The following DOCK8 variants were observed in gnomAD, a reference collection of about 807,000 sequenced individuals.
DOCK8 encodes the protein dedicator of cytokinesis 8.
A neutral mutation model predicts 245.6 loss-of-function variants in DOCK8; 141 were observed. The ratio of observed to expected loss-of-function variants is 0.57; its 90% CI spans 0.50 to 0.66. The LOEUF is 0.66. DOCK8 is among the 30% of genes least tolerant of loss of function. The pLI is 0.00. For synonymous variants in DOCK8, 1,168 were observed against 970.2 expected, an observed-to-expected ratio of 1.20 and a Z score of -3.79; for missense variants, 2,965 against 2,603.4, an observed-to-expected ratio of 1.14 and a Z score of -3.02.
At position 464,415 on chromosome 9, in the gene DOCK8, G is replaced by T. The variant is rs113617251; in HGVS notation, c.*196G>T. ...CTCTGACCAGATTTTTGCCATACTG[G>T]GGGGTGGCGGGATGGAGGATGGGTA... On this transcript the variant is annotated 3_prime_UTR_variant, in exon 48 of 48. Coordinates refer to ENST00000432829, the MANE Select transcript of DOCK8 (RefSeq NM_203447.4). 3.4e-5 allele frequency: 22 copies of T among 644,704 alleles called. No individual in the cohort carries two copies. Among genetic ancestry groups the T allele is most frequent in the Middle Eastern group, 4.1e-4 (1 of 2,448 alleles). 39.9% of individuals were successfully genotyped at this position (644,704 alleles called of 1,614,324 possible).
upstream of DOCK8, among the ~76,000 whole-genome samples, chr9:212,003 T>C (rs1013293030): frequency 3.3e-5 from 5 of 152,188 alleles, no homozygotes; most frequent in Non-Finnish European, 7.3e-5. Context: ...TACAGAAATC[T>C]GGGAAATAGG....
intron 1 of DOCK8, chr9:215,615 T>TA (rs1206582808): frequency 1.9e-6 from 1 of 539,600 alleles, no homozygotes; most frequent in Non-Finnish European, 2.9e-6. Flanking sequence ...AGTGATTTTT[T>TA]AAAAAATCTA....
rs2048826477 is a variant in DOCK8, at chr9:286,441, C to A, written c.157-20C>A. ...GAAAACTGGGTGAGAACCTCCTTTT[C>A]CTTTTCCCTGCCCCTCCAGCCTCAG... On this transcript the variant is annotated intron_variant, in intron 2 of 47. Coordinates refer to ENST00000432829, the MANE Select transcript of DOCK8 (RefSeq NM_203447.4). The A allele has an allele frequency of 6.2e-7, 1 of 1,612,548 alleles. No homozygotes were observed. The highest frequency in any genetic ancestry group is 8.5e-7 in the Non-Finnish European group (1 of 1,179,358).
chr9:373,668 A>G (rs1035617010), intron 18 of DOCK8, among the ~76,000 whole-genome samples: 2 of 152,172 alleles, frequency 1.3e-5, no homozygotes, highest in African/African-American at 4.8e-5. Context: ...TTCGCCATCT[A>G]CCGTCTCACT....
At position 464,590 on chromosome 9, in the gene DOCK8, A is replaced by G. The variant is rs1404302771; in HGVS notation, c.*371A>G. 1 of 285,672 alleles carries G rather than the reference A, an allele frequency of 3.5e-6. No individual in the cohort carries two copies. Among genetic ancestry groups the G allele is most frequent in the African/African-American group, 2.2e-5 (1 of 46,038 alleles). The allele number at this position is 285,672 out of a possible 1,614,324, so 17.7% of individuals were successfully genotyped here. A position where few individuals can be genotyped will look rare whatever the true frequency, so the allele number is the denominator to read the frequency against. On this transcript the variant is annotated 3_prime_UTR_variant, in exon 48 of 48. Transcript: ENST00000432829. ...ATTTGAATTTATTGGAGTAACTCAA[A>G]TTGCCTGAGGAAAAATGGAAAAATT... is the stretch of plus-strand genomic sequence containing the variant.
chr9:377,295 C>T lies in DOCK8; in HGVS notation c.2440+84C>T, dbSNP rs2053559897. 5.3e-6 allele frequency: 7 copies of T among 1,329,244 alleles called. No individual in the cohort carries two copies. The South Asian group carries it at 9.5e-5, about 18-fold the overall frequency. 82.3% of individuals were successfully genotyped at this position (1,329,244 alleles called of 1,614,324 possible). ...TAATGAAAAATGACTTTCCAGAAATCCAGAGACAATGTGATCTTCCTTTCC... is the reference window on the plus strand; with the variant it reads ...TAATGAAAAATGACTTTCCAGAAATTCAGAGACAATGTGATCTTCCTTTCC... On this transcript the variant is annotated intron_variant, in intron 20 of 47. Coordinates refer to ENST00000432829, the MANE Select transcript of DOCK8 (RefSeq NM_203447.4).
intron 7 of DOCK8, 139 bp downstream of exon 7, chr9:317,267 G>A (rs2050387762): frequency 1.4e-6 from 1 of 738,360 alleles, no homozygotes; most frequent in South Asian, 1.5e-5. Flanking sequence ...TGGAGTAGTA[G>A]AAAGGGCACG....
rs1408733590 is a variant in DOCK8 at position 446,396 on chromosome 9, G to C, written c.5607G>C (p.Glu1869Asp). Residue 1869 changes from glutamate to aspartate, a missense_variant, in exon 44 of 48, where the codon GAG (glutamate) becomes GAC (aspartate). Transcript: ENST00000432829. ...NKAYIQITFVEPYFDEYEMKD... is the reference protein window; with the variant it reads ...NKAYIQITFVDPYFDEYEMKD... ...CCTACATACAGATCACTTTTGTGGA[G>C]CCCTACTTTGATGAGTATGAGATGA... 1 of 1,614,096 alleles carries C rather than the reference G, an allele frequency of 6.2e-7. No individual in the cohort carries two copies. The highest frequency in any genetic ancestry group is 8.5e-7 in the Non-Finnish European group (1 of 1,180,056).
At chr9:264,315 T>C (rs765414711) in intron 1 of DOCK8, among the ~76,000 whole-genome samples, 43 of 152,226 alleles carry the variant, frequency 2.8e-4, no homozygotes, top group Admixed American at 4.6e-4. Context: ...AGTCATCTAA[T>C]AAACATTCTA....
At chr9:276,805 CATTTATTT>C (rs541660345) in intron 2 of DOCK8, among the ~76,000 whole-genome samples, 2 of 152,030 alleles carry the variant, frequency 1.3e-5, no homozygotes, top group Non-Finnish European at 2.9e-5. Flanking sequence ...ATTGTCTTTT[CATTTATTT>C]ATTTATTTAT....
At chr9:418,261 C>T in intron 30 of DOCK8, 54 bp downstream of exon 30, 1 of 1,609,348 alleles carries the variant, frequency 6.2e-7, no homozygotes, top group Non-Finnish European at 8.5e-7. Flanking sequence ...CTTCTGTCTT[C>T]TGTTTTGTTT....
intron 2 of DOCK8, among the ~76,000 whole-genome samples, chr9:273,598 T>C (rs2048227130): frequency 6.6e-6 from 1 of 152,206 alleles, no homozygotes; most frequent in Non-Finnish European, 1.5e-5. Context: ...AGTAGTTGTC[T>C]TGGGAAGTAG....
Position 377,035 on chromosome 9 carries a change from T to C in DOCK8, c.2264T>C (p.Phe755Ser). ...LCHSLESQVT[F>S]PIRVLDQKIS... ...CACTCCCTGGAGAGCCAGGTGACCT[T>C]CCCCATCCGCGTGCTGGATCAGAAA... The change falls in exon 20 of 48, where the codon TTC becomes TCC. Residue 755 changes from phenylalanine (F) to serine (S), a missense_variant. Physicochemically the swap from Phe to Ser is radical, Grantham distance 155. This residue lies in a region of DOCK8 where 2,825 missense variants were observed against 2,453.5 expected (regional missense o/e 1.15). Coordinates refer to ENST00000432829, the MANE Select transcript of DOCK8 (RefSeq NM_203447.4). The C allele has an allele frequency of 6.2e-7, 1 of 1,613,932 alleles. No individual in the cohort carries two copies. Among genetic ancestry groups the C allele is most frequent in the Non-Finnish European group, 8.5e-7 (1 of 1,179,994 alleles).
At chr9:267,538 A>T (rs1240816852) in intron 1 of DOCK8, among the ~76,000 whole-genome samples, 2 of 152,212 alleles carry the variant, frequency 1.3e-5, no homozygotes, top group Non-Finnish European at 2.9e-5. Context: ...GAACTTACAT[A>T]ACTTCACAGG....
chr9:330,010 T>C (rs935302176), intron 9 of DOCK8, among the ~76,000 whole-genome samples: 6 of 152,216 alleles, frequency 3.9e-5, no homozygotes, highest in Non-Finnish European at 1.5e-5. Flanking sequence ...GTAAATGGTG[T>C]TAAACTATTT....
chr9:318,757 G>A (rs1319116460), intron 7 of DOCK8, among the ~76,000 whole-genome samples: 1 of 152,236 alleles, frequency 6.6e-6, no homozygotes, highest in Non-Finnish European at 1.5e-5. Flanking sequence ...AGGACTGAGT[G>A]GAAGTGGCTC....
Position 425,193 on chromosome 9 carries a change from G to A in DOCK8, c.4242-1692G>A, listed in dbSNP as rs556997282. ...TGGCCCCCATTGTTTCTACTAGACA[G>A]CATTGCTCTAAATTTAAAACTAAAC... On this transcript the variant is annotated intron_variant, in intron 33 of 47. Coordinates refer to ENST00000432829, the MANE Select transcript of DOCK8 (RefSeq NM_203447.4). 2.6e-5 allele frequency among the ~76,000 whole-genome samples: 4 copies of A among 152,156 alleles called. No homozygotes were observed. In the South Asian group the frequency reaches 8.3e-4, roughly 32 times the overall value.
intron 26 of DOCK8, among the ~76,000 whole-genome samples, chr9:399,788 A>T (rs1392403239): frequency 6.6e-6 from 1 of 151,952 alleles, no homozygotes; most frequent in Non-Finnish European, 1.5e-5. Context: ...CCAGATTTTT[A>T]AATGGAATTA....
intron 2 of DOCK8, among the ~76,000 whole-genome samples, chr9:275,501 A>G (rs1219746364): frequency 6.6e-6 from 1 of 152,216 alleles, no homozygotes; most frequent in Non-Finnish European, 1.5e-5. Context: ...GTGGGGACCA[A>G]GCATCAGTAT....
Sources: allele counts gnomAD v4.1 joint callset (sites outside exome capture counted in the v4.1 genomes callset), GRCh38; gene constraint gnomAD v4.1.1; regional missense constraint gnomAD v4.1.1; transcripts MANE v1.5; gene names NCBI Gene and HGNC (gene_info 2026-07-23, HGNC 2026-07-21).